WDR1: variants seen among roughly 807,000 people sequenced by gnomAD.
The protein encoded by WDR1 is WD repeat-containing protein 1.
A neutral mutation model predicts 71.9 loss-of-function variants in WDR1; 21 were observed. The observed-to-expected ratio is 0.29, with a 90% CI of 0.21 to 0.42. The LOEUF (loss-of-function observed/expected upper bound fraction) is 0.42. WDR1 is among the 10% of genes least tolerant of loss of function. WDR1 has a pLI of 1.00. For missense variants in WDR1, 696 were observed against 824.5 expected (o/e 0.84, Z 1.91); for synonymous variants, 424 against 347.4 (o/e 1.22, Z -2.45).
chr4:10,090,720 T>A (rs1363161925), intron 5 of WDR1, among the ~76,000 whole-genome samples: 2 of 152,102 alleles, frequency 1.3e-5, no homozygotes, highest in Non-Finnish European at 2.9e-5. Context: ...ATCTCCCACC[T>A]CATTGACCCG....
chr4:10,091,854 G>A (rs7683948), intron 5 of WDR1: 12,685 of 152,516 alleles, frequency 0.083, 1,721 homozygotes, highest in African/African-American at 0.29. Context: ...GGCAGTTCCC[G>A]AGAGAGCTGC....
chr4:10,078,675 G>T, intron 12 of WDR1: 1 of 507,330 alleles, frequency 2.0e-6, no homozygotes, highest in Non-Finnish European at 3.5e-6. Context: ...AGTGAGGTGG[G>T]GGAAGTGCCG....
At chr4:10,106,532 C>CCCCAGG (rs1264707646) in intron 2 of WDR1, 1 of 152,278 alleles carries the variant, frequency 6.6e-6, no homozygotes, top group African/African-American at 2.4e-5. Flanking sequence ...ACGACCTCCT[C>CCCCAGG]CCCAGGCCGT....
At chr4:10,097,283 C>G (rs114649354) in intron 5 of WDR1, among the ~76,000 whole-genome samples, 2 of 152,376 alleles carry the variant, frequency 1.3e-5, no homozygotes, top group African/African-American at 4.8e-5. Flanking sequence ...GCAGGCGCAT[C>G]ACTGCCCTCA....
intron 14 of WDR1, chr4:10,077,103 C>T (rs1336883814): frequency 4.1e-6 from 3 of 725,474 alleles, no homozygotes; most frequent in Non-Finnish European, 4.4e-6. Flanking sequence ...GTGCATGGGG[C>T]CCCCGTGGTC....
chr4:10,107,905 G>A (rs1713114746), intron 2 of WDR1, among the ~76,000 whole-genome samples: 2 of 152,304 alleles, frequency 1.3e-5, no homozygotes, highest in South Asian at 4.1e-4. Flanking sequence ...TGAAGCAGAA[G>A]CTTTGGACTT....
intron 11 of WDR1, 52 bp from the exon 12 acceptor site, chr4:10,079,053 C>A (rs562980730): frequency 6.8e-7 from 1 of 1,461,512 alleles, no homozygotes; most frequent in Admixed American, 1.9e-5. Flanking sequence ...CGGGACAAAA[C>A]CCTCAGTGGT....
At chr4:10,080,403 C>T (rs1290073037) in intron 11 of WDR1, among the ~76,000 whole-genome samples, 8 of 152,246 alleles carry the variant, frequency 5.3e-5, no homozygotes, top group Admixed American at 1.3e-4. Flanking sequence ...TTCCCCCAGG[C>T]CCCGAGGCGC....
chr4:10,079,639 C>T (rs1469318695), intron 11 of WDR1, among the ~76,000 whole-genome samples: 2 of 152,212 alleles, frequency 1.3e-5, no homozygotes, highest in African/African-American at 4.8e-5. Context: ...CTCAACTGCT[C>T]CCAGACAGTG....
intron 2 of WDR1, among the ~76,000 whole-genome samples, chr4:10,113,587 G>C (rs1324858565): frequency 6.6e-5 from 10 of 150,616 alleles, no homozygotes; most frequent in Non-Finnish European, 1.3e-4. Flanking sequence ...ACTCCAGCGA[G>C]TGTTGTGAAC....
At chr4:10,103,777 C>T in intron 3 of WDR1, 119 bp downstream of exon 3, 2 of 207,782 alleles carry the variant, frequency 9.6e-6, no homozygotes, top group South Asian at 5.6e-5. Context: ...CCAGCCTGCT[C>T]CCCCACCCCC....
At position 10,116,769 on chromosome 4, in the gene WDR1, A is replaced by C; in HGVS notation, c.-103T>G. The C allele has an allele frequency of 8.2e-7, 1 of 1,224,064 alleles. No individual in the cohort carries two copies. The highest frequency in any genetic ancestry group is 3.4e-5 in the East Asian group (1 of 29,308). The allele number at this position is 1,224,064 out of a possible 1,614,324, so 75.8% of individuals were successfully genotyped here. A position where few individuals can be genotyped will look rare whatever the true frequency, so the allele number is the denominator to read the frequency against. On this transcript the variant is annotated 5_prime_UTR_variant, in exon 1 of 15. Transcript: ENST00000499869. ...GGCCGAGCCCGGGGACTGGAGCCGGAAGGCGGCACCGGGCGTGCCGGGAGT... is the reference window on the plus strand; with the variant it reads ...GGCCGAGCCCGGGGACTGGAGCCGGCAGGCGGCACCGGGCGTGCCGGGAGT...
intron 5 of WDR1, among the ~76,000 whole-genome samples, chr4:10,094,120 C>T (rs748602424): frequency 5.3e-5 from 8 of 152,198 alleles, no homozygotes; most frequent in Non-Finnish European, 1.2e-4. Flanking sequence ...CATTTTTCCA[C>T]CTACAATCAC....
chr4:10,083,200 G>T (rs1379828040), intron 9 of WDR1, 22 bp from the exon 10 acceptor site: 1 of 1,608,780 alleles, frequency 6.2e-7, no homozygotes, highest in African/African-American at 1.3e-5. Context: ...TTAAGGAAAA[G>T]CCCGGCTCCC....
chr4:10,116,555 G>A (rs1490460552), intron 1 of WDR1, 96 bp downstream of exon 1: 4 of 984,944 alleles, frequency 4.1e-6, no homozygotes, highest in African/African-American at 1.7e-5. Context: ...CCCCCGCGCC[G>A]AGGACTCCCC....
chr4:10,088,172 C>T (rs752281624), intron 7 of WDR1, 121 bp downstream of exon 7: 37 of 1,045,772 alleles, frequency 3.5e-5, no homozygotes, highest in African/African-American at 7.9e-5. Flanking sequence ...GATATAAAAC[C>T]GCCCCGACTT....
rs374928832 is a variant in WDR1, at chr4:10,109,319, G to C, written c.139-5333C>G. Among the ~76,000 whole-genome samples the C allele has an allele frequency of 3.9e-5, 6 of 152,346 alleles. No individual in the cohort carries two copies. The East Asian group carries it at 1.2e-3, about 29-fold the overall frequency. On this transcript the variant is annotated intron_variant, in intron 2 of 14. Transcript: ENST00000499869. ...CGGTGAGTCAAGGGAGGTAACAAAT[G>C]CTCAACACCTTCACACAATCCCAGG...
Position 10,114,596 on chromosome 4 carries a change from G to A in WDR1, c.138+1517C>T, listed in dbSNP as rs555933932. Among the ~76,000 whole-genome samples, 85 of 152,334 alleles carry A rather than the reference G, an allele frequency of 5.6e-4. 1 individual carries two copies. The highest frequency in any genetic ancestry group is 1.9e-3 in the African/African-American group (81 of 41,578). ...CGAAATATCCTACTGCTCTGTATCC[G>A]AGGACGTGTTAGTGGATTTTATTTG... On this transcript the variant is annotated intron_variant, in intron 2 of 14. Transcript: ENST00000499869.
chr4:10,088,426 T>G, intron 6 of WDR1, 53 bp from the exon 7 acceptor site: 1 of 1,494,386 alleles, frequency 6.7e-7, no homozygotes, highest in African/African-American at 1.4e-5. Context: ...CCCTCTGGAG[T>G]AAGCAGTTTC....
Sources: gnomAD v4.1 joint callset for allele counts (sites outside exome capture counted in the v4.1 genomes callset) on GRCh38, gnomAD v4.1.1 for gene constraint, MANE v1.5 for transcripts, NCBI Gene and HGNC (gene_info 2026-07-23, HGNC 2026-07-21) for gene names.